Variants in PGC observed in about 807,000 individuals in gnomAD.
PGC encodes the protein progastricsin.
PGC carries 31 observed loss-of-function variants against 45.9 expected under a neutral mutation model. The observed-to-expected ratio is 0.67, with a 90% CI of 0.51 to 0.91. PGC has a LOEUF of 0.91. Ranked by LOEUF, PGC falls within the 40% of genes least tolerant of loss-of-function variation. The pLI, the probability that PGC is intolerant of heterozygous loss-of-function variation, is 0.00. For missense variants in PGC, 477 were observed against 493.2 expected, an observed-to-expected ratio of 0.97 and a Z score of 0.31; for synonymous variants, 192 against 201.8, an observed-to-expected ratio of 0.95 and a Z score of 0.41.
chr6:41,742,311 A>G lies in PGC; in HGVS notation c.626T>C (p.Val209Ala), dbSNP rs768379657. Residue 209 changes from valine to alanine, a missense_variant, in exon 5 of 9, where the codon GTC (valine) becomes GCC (alanine). Transcript: ENST00000373025. ...MVQEGALTSP[V>A]FSVYLSNQQG... is the part of the protein sequence containing the mutation. ...TCACTTGCTGAGGTAGACGCTGAAGACGGGGCTGGTGAGGGCGCCCTCCTG... is the reference window on the plus strand; with the variant it reads ...TCACTTGCTGAGGTAGACGCTGAAGGCGGGGCTGGTGAGGGCGCCCTCCTG... 1.9e-6 allele frequency: 3 copies of G among 1,613,988 alleles called. No individual in the cohort carries two copies. The highest frequency in any genetic ancestry group is 3.3e-4 in the Middle Eastern group (2 of 6,062).
chr6:41,736,971 TG>T lies in PGC; in HGVS notation c.1047del (p.Thr350ProfsTer33). 1 of 1,613,944 alleles carries T rather than the reference TG, an allele frequency of 6.2e-7. No homozygotes were observed. Among genetic ancestry groups the T allele is most frequent in the Non-Finnish European group, 8.5e-7 (1 of 1,179,966 alleles). On this transcript the variant is annotated frameshift_variant, in exon 9 of 9. Transcript: ENST00000373025. LOFTEE classifies it high-confidence loss of function. ...NNGYCTVGVE[P>X]TYLSSQNGQP... ...TGGCCGTTCTGGGAGGACAGGTAGGTGGGCTCGACTCCCACGGTGCAGTAGC... is the reference window on the plus strand; with the variant it reads ...TGGCCGTTCTGGGAGGACAGGTAGGTGGCTCGACTCCCACGGTGCAGTAGC...
chr6:41,743,292 G>T lies in PGC; in HGVS notation c.426C>A (p.Phe142Leu). 1 of 1,612,408 alleles carries T rather than the reference G, an allele frequency of 6.2e-7. No homozygotes were observed. The highest frequency in any genetic ancestry group is 8.5e-7 in the Non-Finnish European group (1 of 1,178,392). The change falls in exon 4 of 9, where the codon TTC becomes TTA. Residue 142 changes from phenylalanine (F) to leucine (L), a missense_variant. By Grantham distance (22) the Phe-to-Leu change is conservative. Coordinates refer to ENST00000373025, the MANE Select transcript of PGC (RefSeq NM_002630.4). ...LQYGSGSLTG[F>L]FGYDTLTVQS... The stretch of plus-strand genomic sequence containing the variant: ...TCACAGTCAGGGTGTCATAGCCAAA[G>T]AAGCCGGTGAGGCTGCCACTGCCAT...
intron 4 of PGC, among the ~76,000 whole-genome samples, chr6:41,742,786 A>G (rs889571919): frequency 2.0e-5 from 3 of 152,278 alleles, no homozygotes; most frequent in African/African-American, 4.8e-5. Flanking sequence ...CACCACGCTC[A>G]GCTAATTTTT....
intron 1 of PGC, among the ~76,000 whole-genome samples, chr6:41,746,194 G>C (rs1303067504): frequency 6.6e-6 from 1 of 152,060 alleles, no homozygotes; most frequent in African/African-American, 2.4e-5. Flanking sequence ...TTCAGAGATG[G>C]CAAAGTTCAC....
In PGC at chr6:41,744,467, G is replaced by A. The variant is rs758070213; in HGVS notation, c.258C>T (p.Phe86=). Residue 86 remains phenylalanine (F), a synonymous_variant, in exon 3 of 9, where the codon TTC becomes TTT. Coordinates refer to ENST00000373025, the MANE Select transcript of PGC (RefSeq NM_002630.4). This position sits in a 1 kb window ranked among gnomAD's most constrained non-coding sequence, Gnocchi z 4.4. ...AGGAGCCGGTGTCAAAAAGGACCAG[G>A]AAGTTCTGGGGTGGAGTCCCGATGC... The part of the protein sequence containing the change: ...EISIGTPPQN[F]LVLFDTGSSN... 17 of 1,613,832 alleles carry A rather than the reference G, an allele frequency of 1.1e-5. No individual in the cohort carries two copies. The African/African-American group carries it at 1.9e-4, about 18-fold the overall frequency.
chr6:41,738,142 ATG>A lies in PGC; in HGVS notation c.916-316_916-315del, dbSNP rs372012177. Among the ~76,000 whole-genome samples the A allele has an allele frequency of 2.2e-3, 79 of 35,452 alleles. 2 individuals are homozygous for A. Among genetic ancestry groups the A allele is most frequent in the African/African-American group, 4.5e-3 (53 of 11,822 alleles). The allele number at this position is 35,452 out of a possible 152,430, so 23.3% of individuals were successfully genotyped here. A position where few individuals can be genotyped will look rare whatever the true frequency, so the allele number is the denominator to read the frequency against. ...TATATACATATATATGCATATATAT[ATG>A]CATATATATATACATATATATGCAT... On this transcript the variant is annotated intron_variant, in intron 7 of 8. Coordinates refer to ENST00000373025, the MANE Select transcript of PGC (RefSeq NM_002630.4).
In PGC at chr6:41,742,413, T is replaced by A. The variant is rs770386779; in HGVS notation, c.524A>T (p.Gln175Leu). The change falls in exon 5 of 9, where the codon CAG becomes CTG. Residue 175 changes from glutamine to leucine, a missense_variant. Coordinates refer to ENST00000373025, the MANE Select transcript of PGC (RefSeq NM_002630.4). ...NEPGTNFVYAQFDGIMGLAYP... is the reference protein window; with the variant it reads ...NEPGTNFVYALFDGIMGLAYP... ...GGCCAGGCCCATGATGCCATCAAAC[T>A]GCGCATAGACGAAGTTGGTACCAGG... 8 of 1,614,078 alleles carry A rather than the reference T, an allele frequency of 5.0e-6. No individual in the cohort carries two copies. The highest frequency in any genetic ancestry group is 5.9e-6 in the Non-Finnish European group (7 of 1,180,002).
intron 5 of PGC, chr6:41,741,261 G>A: frequency 7.0e-7 from 1 of 1,438,512 alleles, no homozygotes; most frequent in East Asian, 2.6e-5. Context: ...AAACAGAGGT[G>A]GAGAGGAAGT....
At chr6:41,747,134 C>T (rs1320417336) in intron 1 of PGC, 142 bp downstream of exon 1, 1 of 703,656 alleles carries the variant, frequency 1.4e-6, no homozygotes, top group African/African-American at 1.8e-5. Context: ...TCCTGTCTAA[C>T]ATCAGCAAAG....
At position 41,747,296 on chromosome 6, in the gene PGC, G is replaced by A; in HGVS notation, c.39C>T (p.Leu13=). The A allele has an allele frequency of 1.2e-6, 2 of 1,613,706 alleles. No individual in the cohort carries two copies. The highest frequency in any genetic ancestry group is 1.7e-6 in the Non-Finnish European group (2 of 1,179,678). ...WMVVVLVCLQ[L]LEAAVVKVPL... ...CTCACTTGACCACTGCTGCCTCCAA[G>A]AGCTGGAGGCAGACCAAGACCACCA... is the stretch of plus-strand genomic sequence containing the variant. Residue 13 remains leucine (L), a synonymous_variant, in exon 1 of 9, where the codon CTC becomes CTT. Coordinates refer to ENST00000373025, the MANE Select transcript of PGC (RefSeq NM_002630.4).
chr6:41,743,162 C>A, intron 4 of PGC, 109 bp downstream of exon 4: 2 of 763,316 alleles, frequency 2.6e-6, no homozygotes, highest in South Asian at 1.5e-5. Context: ...GCCTTCCTGT[C>A]CTGCACACCA....
chr6:41,741,086 C>G, intron 5 of PGC: 3 of 1,537,202 alleles, frequency 2.0e-6, no homozygotes, highest in Non-Finnish European at 2.6e-6. Flanking sequence ...GACATGTCAC[C>G]GGGATCCCCA....
rs368506532 is a variant in PGC at position 41,744,779 on chromosome 6, C to T, written c.89G>A (p.Arg30His). 10 of 1,614,098 alleles carry T rather than the reference C, an allele frequency of 6.2e-6. No homozygotes were observed. The highest frequency in any genetic ancestry group is 2.2e-5 in the South Asian group (2 of 91,064). ...KVPLKKFKSI[R>H]ETMKEKGLLG... ...CAAGCCCTTCTCCTTCATGGTCTCA[C>T]GGATAGACTTAAATTTCTTCAGGGG... Residue 30 changes from arginine to histidine, a missense_variant, in exon 2 of 9, where the codon CGT becomes CAT. Arg to His is a conservative substitution (Grantham distance 29). Transcript: ENST00000373025. The surrounding 1 kb of genome is among the most constrained non-coding windows in gnomAD (Gnocchi z 4.4).
At position 41,742,448 on chromosome 6, in the gene PGC, A is replaced by T. The variant is rs1771847081; in HGVS notation, c.489T>A (p.Ser163Arg). The T allele has an allele frequency of 6.2e-7, 1 of 1,613,840 alleles. No individual in the cohort carries two copies. Among genetic ancestry groups the T allele is most frequent in the African/African-American group, 1.3e-5 (1 of 74,826 alleles). The change falls in exon 5 of 9, where the codon AGT becomes AGA. Residue 163 changes from serine to arginine, a missense_variant. Coordinates refer to ENST00000373025, the MANE Select transcript of PGC (RefSeq NM_002630.4). ...IQVPNQEFGL[S>R]ENEPGTNFVY... ...CGAAGTTGGTACCAGGCTCATTCTC[A>T]CTCAAGCCGAACTCCTGGTTGGGGA...
chr6:41,746,481 G>A lies in PGC; in HGVS notation c.59+795C>T, dbSNP rs567783123. Among the ~76,000 whole-genome samples, 49 of 152,210 alleles carry A rather than the reference G, an allele frequency of 3.2e-4. No homozygotes were observed. In the East Asian group the frequency reaches 3.9e-3, roughly 12 times the overall value. ...ATCCTATGGGCTCAGTCACACCCTC[G>A]GCACTCTCCTTCCCAGACTTGCTTG... On this transcript the variant is annotated intron_variant, in intron 1 of 8. Coordinates refer to ENST00000373025, the MANE Select transcript of PGC (RefSeq NM_002630.4).
At chr6:41,741,850 C>T (rs1771831734) in intron 5 of PGC, 1 of 1,532,980 alleles carries the variant, frequency 6.5e-7, no homozygotes, top group Non-Finnish European at 8.7e-7. Flanking sequence ...CAGGCTAGAA[C>T]AATAGATAAA....
chr6:41,741,724 C>A, intron 5 of PGC: 1 of 1,017,654 alleles, frequency 9.8e-7, no homozygotes, highest in South Asian at 1.4e-5. Context: ...GGCCCCAGGC[C>A]GCTCACCCCC....
At chr6:41,740,399 C>T in intron 6 of PGC, 92 bp downstream of exon 6, 1 of 1,476,942 alleles carries the variant, frequency 6.8e-7, no homozygotes, top group East Asian at 2.4e-5. Flanking sequence ...TGCCCCATCC[C>T]AGAGCAGTGC....
Position 41,742,348 on chromosome 6 carries a change from G to T in PGC, c.589C>A (p.Gln197Lys). ...AGGGCGCCCTCCTGCACCATGCCCT[G>T]CATAGCTGTGGTGGCCTCATCCACG... ...LSVDEATTAM[Q>K]GMVQEGALTS... Residue 197 changes from glutamine to lysine, a missense_variant, in exon 5 of 9, where the codon CAG becomes AAG. Transcript: ENST00000373025. 6.2e-7 allele frequency: 1 copy of T among 1,614,200 alleles called. No homozygotes were observed. The highest frequency in any genetic ancestry group is 1.1e-5 in the South Asian group (1 of 91,088).
Sources: gnomAD v4.1 joint callset for allele counts (sites outside exome capture counted in the v4.1 genomes callset) on GRCh38, gnomAD v4.1.1 for gene constraint, Gnocchi (gnomAD v3.1) non-coding constraint, MANE v1.5 for transcripts, NCBI Gene and HGNC (gene_info 2026-07-23, HGNC 2026-07-21) for gene names.